Variants in PTN observed in about 807,000 individuals in gnomAD.
PTN encodes the protein heparin affin regulatory protein.
A neutral mutation model predicts 24.1 loss-of-function variants in PTN; 18 were observed. That is an observed-to-expected ratio of 0.75 (90% CI 0.52 to 1.11). The LOEUF (loss-of-function observed/expected upper bound fraction) is 1.11, where lower values mean the gene tolerates loss of function less well. Ranked by LOEUF, PTN falls within the 50% of genes least tolerant of loss-of-function variation. The pLI is 0.00. For synonymous variants in PTN, 78 were observed against 68.6 expected, an observed-to-expected ratio of 1.14 and a Z score of -0.67; for missense variants, 163 against 198.8, an observed-to-expected ratio of 0.82 and a Z score of 1.08.
At chr7:137,294,502 C>T (rs12671280) in intron 1 of PTN, among the ~76,000 whole-genome samples, 26,699 of 152,104 alleles carry the variant, frequency 0.18, 2,659 homozygotes, top group East Asian at 0.27. Context: ...GTCTGCTTTG[C>T]TTGGCAGTCA....
intron 1 of PTN, chr7:137,326,301 C>G (rs1381527038): frequency 6.6e-6 from 1 of 152,202 alleles, no homozygotes; most frequent in East Asian, 1.9e-4. Flanking sequence ...TACCCCAAAT[C>G]AGCTCTTCCC....
At chr7:137,340,330 A>G (rs1418176467) in intron 1 of PTN, among the ~76,000 whole-genome samples, 1 of 152,184 alleles carries the variant, frequency 6.6e-6, no homozygotes, top group Non-Finnish European at 1.5e-5. Flanking sequence ...TATTTACTAA[A>G]TGCCAAAATA....
intron 1 of PTN, among the ~76,000 whole-genome samples, chr7:137,336,084 A>G (rs1444523260): frequency 1.3e-5 from 2 of 152,154 alleles, no homozygotes; most frequent in African/African-American, 2.4e-5. Flanking sequence ...CAGGATTGGG[A>G]AACCAGAAAG....
chr7:137,281,840 C>A (rs1190972932), intron 1 of PTN, among the ~76,000 whole-genome samples: 2 of 152,130 alleles, frequency 1.3e-5, no homozygotes, highest in Non-Finnish European at 2.9e-5. Context: ...AAGACTTTGC[C>A]TGTGCTAAGA....
intron 1 of PTN, among the ~76,000 whole-genome samples, chr7:137,265,913 T>G (rs533025149): frequency 6.6e-6 from 1 of 152,326 alleles, no homozygotes; most frequent in African/African-American, 2.4e-5. Flanking sequence ...TTTTATTAGT[T>G]TTTAGACCAA....
At chr7:137,288,285 C>T (rs187224594) in intron 1 of PTN, among the ~76,000 whole-genome samples, 12 of 152,214 alleles carry the variant, frequency 7.9e-5, no homozygotes, top group African/African-American at 2.6e-4. Flanking sequence ...TTTTATGATA[C>T]AACAAAGTTA....
At chr7:137,334,156 C>T (rs1229194376) in intron 1 of PTN, among the ~76,000 whole-genome samples, 3 of 150,992 alleles carry the variant, frequency 2.0e-5, no homozygotes, top group Non-Finnish European at 3.0e-5. Context: ...TCTAAAACAC[C>T]AAAAGCAATG....
chr7:137,340,556 A>G (rs1430198294), intron 1 of PTN, among the ~76,000 whole-genome samples: 1 of 152,218 alleles, frequency 6.6e-6, no homozygotes, highest in Non-Finnish European at 1.5e-5. Flanking sequence ...GGAAAAAAGC[A>G]AGCCCAGCTC....
chr7:137,254,123 C>T (rs549072112), intron 2 of PTN, among the ~76,000 whole-genome samples: 2 of 151,944 alleles, frequency 1.3e-5, no homozygotes, highest in African/African-American at 4.8e-5. Flanking sequence ...CATGGTGAAA[C>T]CCCAACTCTA....
intron 1 of PTN, among the ~76,000 whole-genome samples, chr7:137,270,748 C>T (rs1188529325): frequency 2.6e-5 from 4 of 152,004 alleles, no homozygotes; most frequent in East Asian, 1.9e-4. Context: ...AAAAAATAGA[C>T]GACTAAAGAG....
intron 1 of PTN, among the ~76,000 whole-genome samples, chr7:137,275,304 T>C (rs112574472): frequency 3.3e-5 from 5 of 152,264 alleles, no homozygotes; most frequent in African/African-American, 1.2e-4. Flanking sequence ...CAGTGTGAAG[T>C]ATATAGGTCA....
intron 1 of PTN, among the ~76,000 whole-genome samples, chr7:137,278,306 C>CAAAAAAAAAAAAAAAAA (rs71176391): frequency 3.2e-5 from 2 of 62,844 alleles, no homozygotes; most frequent in Non-Finnish European, 5.5e-5. Flanking sequence ...GACTCCGTCT[C>CAAAAAAAAAAAAAAAAA]AAAAAAAAAA....
chr7:137,235,307 C>CA (rs573093868), intron 4 of PTN, among the ~76,000 whole-genome samples: 54 of 152,124 alleles, frequency 3.5e-4, no homozygotes, highest in Admixed American at 9.8e-4. Flanking sequence ...CGCCCCACGT[C>CA]AGCTATGCCT....
intron 1 of PTN, among the ~76,000 whole-genome samples, chr7:137,309,399 G>T (rs1809944615): frequency 6.6e-6 from 1 of 152,196 alleles, no homozygotes; most frequent in Admixed American, 6.5e-5. Context: ...GATCAGGGCA[G>T]TTGGTTGCTG....
chr7:137,261,448 T>C (rs1450886090), intron 1 of PTN, among the ~76,000 whole-genome samples: 1 of 152,188 alleles, frequency 6.6e-6, no homozygotes, highest in African/African-American at 2.4e-5. Context: ...GCAGTTAAAA[T>C]GATTTTACAT....
At chr7:137,239,103 T>C (rs1808574023) in intron 4 of PTN, among the ~76,000 whole-genome samples, 1 of 152,288 alleles carries the variant, frequency 6.6e-6, no homozygotes, top group African/African-American at 2.4e-5. Flanking sequence ...TACAAATATT[T>C]ATAGCTGCTA....
At chr7:137,268,005 A>G (rs1324121867) in intron 1 of PTN, among the ~76,000 whole-genome samples, 9 of 152,154 alleles carry the variant, frequency 5.9e-5, no homozygotes, top group Non-Finnish European at 1.0e-4. Flanking sequence ...CAAAGAGCCC[A>G]TAAAGGCACA....
At chr7:137,326,433 C>T (rs1810263296) in intron 1 of PTN, 1 of 152,156 alleles carries the variant, frequency 6.6e-6, no homozygotes, top group Admixed American at 6.5e-5. Context: ...TTACAGATAG[C>T]CTTTATTTTA....
intron 4 of PTN, among the ~76,000 whole-genome samples, chr7:137,246,276 T>A (rs1808721919): frequency 6.6e-6 from 1 of 152,168 alleles, no homozygotes; most frequent in Non-Finnish European, 1.5e-5. Context: ...TAACCTACAG[T>A]ATTCAGTACA....
Sources: gnomAD v4.1 joint callset for allele counts (sites outside exome capture counted in the v4.1 genomes callset) on GRCh38, gnomAD v4.1.1 for gene constraint, MANE v1.5 for transcripts, NCBI Gene and HGNC (gene_info 2026-07-23, HGNC 2026-07-21) for gene names.